Variants in DSC1 observed in about 807,000 individuals in gnomAD.
The protein encoded by DSC1 is desmocollin-1.
DSC1 carries 79 observed loss-of-function variants against 98.8 expected under a neutral mutation model. The observed-to-expected ratio is 0.80, with a 90% confidence interval of 0.67 to 0.96. The LOEUF (loss-of-function observed/expected upper bound fraction) is 0.96. Ranked by LOEUF, DSC1 falls within the 50% of genes least tolerant of loss-of-function variation. The pLI is 0.00. For synonymous variants in DSC1, 405 were observed against 372.1 expected (o/e 1.09, Z -1.02); for missense variants, 1,115 against 1,075.9 (o/e 1.04, Z -0.51).
Position 31,131,504 on chromosome 18 carries a change from G to C in DSC1, c.2487+90C>G, listed in dbSNP as rs988340881. The C allele has an allele frequency of 2.7e-6, 4 of 1,498,962 alleles. No homozygotes were observed. In the African/African-American group the frequency reaches 4.1e-5, roughly 15 times the overall value. The allele number at this position is 1,498,962 out of a possible 1,614,324, so 92.9% of individuals were successfully genotyped here. A position where few individuals can be genotyped will look rare whatever the true frequency, so the allele number is the denominator to read the frequency against. On this transcript the variant is annotated intron_variant, in intron 15 of 15. Coordinates refer to ENST00000257198, the MANE Select transcript of DSC1 (RefSeq NM_024421.2). ...ACAGGTAAAAGATGTTGAATTCCAG[G>C]TATATGAGGAGTAAAACTTTTGGGA...
rs374138359 is a variant in DSC1, at chr18:31,156,073, C to T, written c.441G>A (p.Ser147=). 24 of 1,613,966 alleles carry T rather than the reference C, an allele frequency of 1.5e-5. No individual in the cohort carries two copies. Among genetic ancestry groups the T allele is most frequent in the African/African-American group, 1.1e-4 (8 of 74,908 alleles). Residue 147 remains serine (S), a synonymous_variant, in exon 4 of 16, where the codon TCG becomes TCA. Coordinates refer to ENST00000257198, the MANE Select transcript of DSC1 (RefSeq NM_024421.2). ...GAACGTGTTGTGGAAATGGACCCAA[C>T]GAGTTCTCCATCAATGAAGCTGGAA... ...APIPASLMEN[S]LGPFPQHVQQ...
intron 3 of DSC1, 29 bp from the exon 4 acceptor site, chr18:31,156,191 A>G (rs1368821619): frequency 1.9e-6 from 3 of 1,594,886 alleles, no homozygotes; most frequent in Non-Finnish European, 2.6e-6. Flanking sequence ...AAAGAAATGT[A>G]GCATTGCTTA....
chr18:31,161,902 T>G (rs1217877928), intron 1 of DSC1, among the ~76,000 whole-genome samples: 1 of 152,110 alleles, frequency 6.6e-6, no homozygotes, highest in East Asian at 1.9e-4. Flanking sequence ...ACCTCAGAAA[T>G]GATGGACGGA....
rs941633208 is a variant in DSC1 at position 31,129,741 on chromosome 18, A to G, written c.*773T>C. 6.6e-6 allele frequency: 1 copy of G among 152,208 alleles called. No homozygotes were observed. The highest frequency in any genetic ancestry group is 6.5e-5 in the Admixed American group (1 of 15,274). The allele number at this position is 152,208 out of a possible 1,614,324, so 9.4% of individuals were successfully genotyped here. ...GAGCAAACGAAACATATTTGTGAGC[A>G]TAAGTCAACCCATGGACCTCAGGGC... On this transcript the variant is annotated 3_prime_UTR_variant, in exon 16 of 16. Transcript: ENST00000257198.
chr18:31,159,047 G>GTTTTGTTTTTGTT (rs1555646386), intron 2 of DSC1, among the ~76,000 whole-genome samples: 1 of 71,098 alleles, frequency 1.4e-5, no homozygotes, highest in East Asian at 5.5e-4. Context: ...CTACTATGTG[G>GTTTTGTTTTTGTT]TTTTTTTTTT....
intron 8 of DSC1, 101 bp downstream of exon 8, chr18:31,143,556 C>T: frequency 1.1e-6 from 1 of 901,884 alleles, no homozygotes; most frequent in Middle Eastern, 3.7e-4. Context: ...TTATTTAAAT[C>T]AAACTGTCAA....
Position 31,134,758 on chromosome 18 carries a change from C to T in DSC1, c.1690G>A (p.Val564Ile). Residue 564 changes from valine (V) to isoleucine (I), a missense_variant, in exon 12 of 16, where the codon GTA becomes ATA. Coordinates refer to ENST00000257198, the MANE Select transcript of DSC1 (RefSeq NM_024421.2). ...TCGTTGTAATCATCCAAATGAACTA[C>T]TAATGTTCCAGTGCAAGATCGGCCA... ...AVGRSCTGTL[V>I]VHLDDYNDHA... is the part of the protein sequence containing the mutation. 6.2e-7 allele frequency: 1 copy of T among 1,612,052 alleles called. No homozygotes were observed.
intron 4 of DSC1, among the ~76,000 whole-genome samples, chr18:31,155,644 G>A (rs959221031): frequency 1.3e-5 from 2 of 152,168 alleles, no homozygotes; most frequent in East Asian, 3.9e-4. Context: ...CTATGTGGCA[G>A]TGAGGCAATC....
intron 7 of DSC1, among the ~76,000 whole-genome samples, chr18:31,144,757 T>C (rs1988806530): frequency 6.6e-6 from 1 of 151,912 alleles, no homozygotes; most frequent in Non-Finnish European, 1.5e-5. Context: ...GCACCAAGAG[T>C]GAACCACAAT....
chr18:31,155,557 G>A (rs991655692), intron 4 of DSC1, among the ~76,000 whole-genome samples: 1 of 152,194 alleles, frequency 6.6e-6, no homozygotes, highest in Non-Finnish European at 1.5e-5. Context: ...TTGAACCCAG[G>A]AGGCAGAGGT....
chr18:31,147,191 A>G (rs1230180304), intron 6 of DSC1, among the ~76,000 whole-genome samples: 2 of 152,170 alleles, frequency 1.3e-5, no homozygotes, highest in African/African-American at 2.4e-5. Flanking sequence ...ATGCCAAAAA[A>G]GGCAATGTAT....
intron 1 of DSC1, among the ~76,000 whole-genome samples, chr18:31,161,287 A>G (rs1167670659): frequency 6.6e-6 from 1 of 152,090 alleles, no homozygotes; most frequent in Non-Finnish European, 1.5e-5. Context: ...GGGACCACTC[A>G]TATATGTAGT....
chr18:31,137,566 A>T (rs1335253545), intron 11 of DSC1, among the ~76,000 whole-genome samples: 8 of 152,164 alleles, frequency 5.3e-5, no homozygotes, highest in African/African-American at 1.9e-4. Context: ...ACAAAGAAAA[A>T]GGGTCTTTAT....
At position 31,154,276 on chromosome 18, in the gene DSC1, C is replaced by CAA. The variant is rs66553394; in HGVS notation, c.627+496_627+497dup. On this transcript the variant is annotated intron_variant, in intron 5 of 15. Transcript: ENST00000257198. ...TGAAGAATAGTGAGAGAAAGGGATG[C>CAA]AAAAAAAAAAAAGCTATGTAAGGGG... Among the ~76,000 whole-genome samples the CAA allele has an allele frequency of 2.9e-3, 406 of 139,938 alleles. 3 individuals carry two copies. The highest frequency in any genetic ancestry group is 0.015 in the Middle Eastern group (4 of 262). The allele number at this position is 139,938 out of a possible 152,430, so 91.8% of individuals were successfully genotyped here. A position where few individuals can be genotyped will look rare whatever the true frequency, so the allele number is the denominator to read the frequency against.
chr18:31,145,745 G>A lies in DSC1; in HGVS notation c.805C>T (p.Leu269Phe). ...GTATGGAGAGTGTCAGGTTCGTCAA[G>A]GTCTGTGGCGGTCACTTTTCCCACT... ...TSVGKVTATD[L>F]DEPDTLHTRL... Residue 269 changes from leucine (L) to phenylalanine (F), a missense_variant, in exon 7 of 16, where the codon CTT becomes TTT. Physicochemically the swap from Leu to Phe is conservative, Grantham distance 22. Transcript: ENST00000257198. The A allele has an allele frequency of 6.2e-7, 1 of 1,613,888 alleles. No homozygotes were observed. Among genetic ancestry groups the A allele is most frequent in the African/African-American group, 1.3e-5 (1 of 74,996 alleles).
chr18:31,147,353 A>G (rs1988867881), intron 6 of DSC1, among the ~76,000 whole-genome samples: 1 of 152,156 alleles, frequency 6.6e-6, no homozygotes, highest in Non-Finnish European at 1.5e-5. Context: ...AAATATCTTT[A>G]TATTTAATAT....
chr18:31,154,862 T>A lies in DSC1; in HGVS notation c.539A>T (p.Glu180Val). ...YSISGPGVDK[E>V]PFNLFYIEKD... ...CTCTATGTAAAACAAATTGAAGGGTTCTTTGTCCACGCCTGGCCCACTTAT... is the reference window on the plus strand; with the variant it reads ...CTCTATGTAAAACAAATTGAAGGGTACTTTGTCCACGCCTGGCCCACTTAT... The change falls in exon 5 of 16, where the codon GAA becomes GTA. Residue 180 changes from glutamate (E) to valine (V), a missense_variant. Physicochemically the swap from Glu to Val is moderately radical, Grantham distance 121. Coordinates refer to ENST00000257198, the MANE Select transcript of DSC1 (RefSeq NM_024421.2). 6.2e-7 allele frequency: 1 copy of A among 1,614,132 alleles called. No homozygotes were observed. Among genetic ancestry groups the A allele is most frequent in the Non-Finnish European group, 8.5e-7 (1 of 1,180,010 alleles).
intron 5 of DSC1, among the ~76,000 whole-genome samples, chr18:31,149,683 G>A (rs981454213): frequency 2.6e-5 from 4 of 152,032 alleles, no homozygotes; most frequent in African/African-American, 4.8e-5. Context: ...AATCAGACTC[G>A]TCAGTGATTT....
intron 6 of DSC1, among the ~76,000 whole-genome samples, 160 bp downstream of exon 6, chr18:31,148,338 T>C (rs900464543): frequency 1.3e-5 from 2 of 152,122 alleles, no homozygotes; most frequent in African/African-American, 4.8e-5. Context: ...TTAATAGCAA[T>C]GTCATATAAC....
Sources: allele counts gnomAD v4.1 joint callset (sites outside exome capture counted in the v4.1 genomes callset), GRCh38; gene constraint gnomAD v4.1.1; transcripts MANE v1.5; gene names NCBI Gene and HGNC (gene_info 2026-07-23, HGNC 2026-07-21).